Variants in CCDC15 observed in about 807,000 individuals in gnomAD.
CCDC15 encodes the protein coiled-coil domain containing 15.
Under a neutral mutation model 114.5 loss-of-function variants are expected in CCDC15, and 105 were observed. That is an observed-to-expected ratio of 0.92 (90% CI 0.78 to 1.08). The LOEUF is 1.08. CCDC15 is among the 50% of genes least tolerant of loss of function. The probability of loss-of-function intolerance (pLI) is 0.00; values close to 1 mark genes in which losing one functional copy is unlikely to be tolerated. For missense variants in CCDC15, 1,105 were observed against 1,093.6 expected, an observed-to-expected ratio of 1.01 and a Z score of -0.15; for synonymous variants, 334 against 377.8, an observed-to-expected ratio of 0.88 and a Z score of 1.34.
rs550095800 is a variant in CCDC15 at position 124,978,865 on chromosome 11, T to G, written c.753+1265T>G. Among the ~76,000 whole-genome samples the G allele has an allele frequency of 3.3e-5, 5 of 152,228 alleles. No individual in the cohort carries two copies. The South Asian group carries it at 1.0e-3, about 32-fold the overall frequency. On this transcript the variant is annotated intron_variant, in intron 6 of 15. Coordinates refer to ENST00000344762, the MANE Select transcript of CCDC15 (RefSeq NM_025004.3). ...CTTTTGGCATCTTCATCATGAAATC[T>G]TTGCCTGTTTCTATGTCCAGATTGA... is the stretch of plus-strand genomic sequence containing the variant.
intron 13 of CCDC15, among the ~76,000 whole-genome samples, chr11:125,015,980 G>A (rs1260026587): frequency 6.6e-6 from 1 of 152,150 alleles, no homozygotes; most frequent in Non-Finnish European, 1.5e-5. Context: ...AAAGCTTTTT[G>A]CAGCAACAGC....
chr11:125,034,816 A>T (rs1432555487), intron 13 of CCDC15, among the ~76,000 whole-genome samples: 1 of 151,970 alleles, frequency 6.6e-6, no homozygotes, highest in African/African-American at 2.4e-5. Flanking sequence ...AGAAACCCCA[A>T]AACCAACAAA....
chr11:124,992,560 T>A lies in CCDC15; in HGVS notation c.2032-20T>A. The A allele has an allele frequency of 6.8e-7, 1 of 1,474,260 alleles. No individual in the cohort carries two copies. The highest frequency in any genetic ancestry group is 1.2e-5 in the South Asian group (1 of 82,704). 91.3% of individuals were successfully genotyped at this position (1,474,260 alleles called of 1,614,324 possible). A position where few individuals can be genotyped will look rare whatever the true frequency, so the allele number is the denominator to read the frequency against. On this transcript the variant is annotated intron_variant, in intron 9 of 15. Transcript: ENST00000344762. Reference sequence around the variant, plus strand: ...ATTTTTTTTCTGTTGTTGTTTTTCCTTTAAAATATGTTTCTCAAGCAACCT... The same window carrying A: ...ATTTTTTTTCTGTTGTTGTTTTTCCATTAAAATATGTTTCTCAAGCAACCT...
intron 6 of CCDC15, 33 bp from the exon 7 acceptor site, chr11:124,986,709 G>GCC: frequency 7.1e-7 from 1 of 1,410,454 alleles, no homozygotes; most frequent in Non-Finnish European, 9.5e-7. Context: ...GTGCGCGCGC[G>GCC]CGCGTGCGCG....
chr11:124,960,200 A>G (rs1469552627), intron 4 of CCDC15, among the ~76,000 whole-genome samples, 197 bp downstream of exon 4: 2 of 151,154 alleles, frequency 1.3e-5, no homozygotes, highest in Non-Finnish European at 2.9e-5. Context: ...AAAATTTTAA[A>G]TTTAAATTCA....
intron 10 of CCDC15, 29 bp from the exon 11 acceptor site, chr11:124,993,140 A>G (rs765566730): frequency 2.1e-6 from 3 of 1,417,536 alleles, no homozygotes; most frequent in South Asian, 2.4e-5. Flanking sequence ...TGCTTAGACA[A>G]TCAGTTTTGT....
Position 124,977,541 on chromosome 11 carries a change from A to G in CCDC15, c.694A>G (p.Ile232Val). ...TACAGGAATAAGAGGAGAGTTGCCC[A>G]TTAAGGTCCATCAAGGTCTTTTAGC... ...INTGIRGELP[I>V]KVHQGLLAAV... Residue 232 changes from isoleucine to valine, a missense_variant, in exon 6 of 16, where the codon ATT (isoleucine) becomes GTT (valine). Coordinates refer to ENST00000344762, the MANE Select transcript of CCDC15 (RefSeq NM_025004.3). 6.2e-7 allele frequency: 1 copy of G among 1,609,272 alleles called. No individual in the cohort carries two copies. The highest frequency in any genetic ancestry group is 8.5e-7 in the Non-Finnish European group (1 of 1,177,582).
rs553658599 is a variant in CCDC15 at position 124,984,902 on chromosome 11, G to A, written c.754-1840G>A. On this transcript the variant is annotated intron_variant, in intron 6 of 15. Coordinates refer to ENST00000344762, the MANE Select transcript of CCDC15 (RefSeq NM_025004.3). Reference sequence around the variant, plus strand: ...AGTGTACCTAATGTTCCAGTCTCTCGGTAGTAGATGTTCCTCCTGGCTGCT... The same window carrying A: ...AGTGTACCTAATGTTCCAGTCTCTCAGTAGTAGATGTTCCTCCTGGCTGCT... Among the ~76,000 whole-genome samples, 4 of 152,204 alleles carry A rather than the reference G, an allele frequency of 2.6e-5. No homozygotes were observed. In the East Asian group the frequency reaches 5.8e-4, roughly 22 times the overall value.
At chr11:124,985,824 T>C (rs918042420) in intron 6 of CCDC15, among the ~76,000 whole-genome samples, 2 of 151,876 alleles carry the variant, frequency 1.3e-5, no homozygotes, top group African/African-American at 2.4e-5. Flanking sequence ...TAGACTGTTA[T>C]CTTACTTGAT....
At chr11:124,984,847 T>C (rs78606923) in intron 6 of CCDC15, among the ~76,000 whole-genome samples, 9,567 of 152,214 alleles carry the variant, frequency 0.063, 368 homozygotes, top group African/African-American at 0.1. Context: ...CTGTCCACTC[T>C]TAATGCCTTC....
intron 13 of CCDC15, among the ~76,000 whole-genome samples, chr11:125,035,383 T>C (rs1049042131): frequency 6.6e-6 from 1 of 152,028 alleles, no homozygotes; most frequent in Non-Finnish European, 1.5e-5. Flanking sequence ...TTGTCTGATA[T>C]TAGTATAGCT....
In CCDC15 at chr11:124,987,675, C is replaced by G. The variant is rs771209493; in HGVS notation, c.1449C>G (p.Asp483Glu). ...LPKDQNFLSR[D>E]QHVLPKDQDI... is the part of the protein sequence containing the mutation. ...AGGACCAGAATTTTTTATCTAGAGA[C>G]CAGCATGTTCTCCCCAAAGACCAAG... The change falls in exon 8 of 16, where the codon GAC (aspartate) becomes GAG (glutamate). Residue 483 changes from aspartate to glutamate, a missense_variant. Transcript: ENST00000344762. 5.0e-6 allele frequency: 8 copies of G among 1,613,754 alleles called. No homozygotes were observed. In the African/African-American group the frequency reaches 1.1e-4, roughly 22 times the overall value.
intron 13 of CCDC15, among the ~76,000 whole-genome samples, chr11:125,025,730 G>A (rs1391517289): frequency 2.0e-5 from 3 of 151,860 alleles, no homozygotes; most frequent in Admixed American, 2.0e-4. Flanking sequence ...ATTTATTGAT[G>A]TTAAGAACTT....
intron 2 of CCDC15, among the ~76,000 whole-genome samples, chr11:124,957,251 G>T (rs762408177): frequency 4.6e-5 from 7 of 152,122 alleles, no homozygotes; most frequent in Admixed American, 6.5e-5. Context: ...ACTATTTTCC[G>T]GCTATTGGCT....
intron 13 of CCDC15, among the ~76,000 whole-genome samples, chr11:125,011,248 A>ATTATTTTTTT (rs1440220391): frequency 1.7e-4 from 25 of 147,210 alleles, no homozygotes; most frequent in African/African-American, 5.8e-4. Flanking sequence ...TATTATTATT[A>ATTATTTTTTT]TTTTTTAAGA....
intron 4 of CCDC15, among the ~76,000 whole-genome samples, chr11:124,971,390 C>T (rs979775213): frequency 6.6e-6 from 1 of 152,204 alleles, no homozygotes; most frequent in Non-Finnish European, 1.5e-5. Flanking sequence ...AGGGTCACAG[C>T]TCCTCGCCAG....
At chr11:125,011,852 C>T (rs550623666) in intron 13 of CCDC15, among the ~76,000 whole-genome samples, 31 of 152,292 alleles carry the variant, frequency 2.0e-4, no homozygotes, top group African/African-American at 6.7e-4. Flanking sequence ...GAAGGTCGGA[C>T]TCAAATTTGC....
At chr11:124,959,379 A>G in intron 3 of CCDC15, 115 bp downstream of exon 3, 1 of 870,252 alleles carries the variant, frequency 1.1e-6, no homozygotes, top group Non-Finnish European at 1.7e-6. Flanking sequence ...AATATAATCT[A>G]ATTAACTAGT....
chr11:125,027,673 C>G (rs1301553347), intron 13 of CCDC15, among the ~76,000 whole-genome samples: 2 of 151,822 alleles, frequency 1.3e-5, no homozygotes, highest in Non-Finnish European at 2.9e-5. Flanking sequence ...TTTTCTCCCA[C>G]TCTGTGGGTT....
Sources: allele counts gnomAD v4.1 joint callset (sites outside exome capture counted in the v4.1 genomes callset), GRCh38; gene constraint gnomAD v4.1.1; transcripts MANE v1.5; gene names NCBI Gene and HGNC (gene_info 2026-07-23, HGNC 2026-07-21).